The following ROBO4 variants were observed in gnomAD, a reference collection of about 807,000 sequenced individuals.
The protein encoded by ROBO4 is roundabout homolog 4.
Under a neutral mutation model 103.3 loss-of-function variants are expected in ROBO4, and 80 were observed. That is an observed-to-expected ratio of 0.77 (90% confidence interval 0.65 to 0.93). ROBO4 has a LOEUF of 0.93. Among genes scored for constraint, ROBO4 ranks in the 40% least tolerant of loss-of-function variants. The probability of loss-of-function intolerance (pLI) is 0.00; values close to 1 mark genes in which losing one functional copy is unlikely to be tolerated. For missense variants in ROBO4, 1,333 were observed against 1,305.3 expected, an observed-to-expected ratio of 1.02 and a Z score of -0.33; for synonymous variants, 504 against 529.7, an observed-to-expected ratio of 0.95 and a Z score of 0.67.
Position 124,886,987 on chromosome 11 carries a change from C to T in ROBO4, c.2425G>A (p.Glu809Lys), listed in dbSNP as rs2135365955. The T allele has an allele frequency of 6.2e-7, 1 of 1,610,674 alleles. No homozygotes were observed. Residue 809 changes from glutamate to lysine, a missense_variant, in exon 15 of 18, where the codon GAG becomes AAG. By Grantham distance (56) the Glu-to-Lys change is moderately conservative. Transcript: ENST00000306534. The stretch of plus-strand genomic sequence containing the variant: ...TCTCAAGCTACTCACCTGGGAGTCT[C>T]CTCACCCTCACTGAGTTCCAAGCAC... ...ALCLELSEGE[E>K]TPRNSVSPMP...
chr11:124,884,823 G>A lies in ROBO4; in HGVS notation c.*68C>T, dbSNP rs373422711. On this transcript the variant is annotated 3_prime_UTR_variant, in exon 18 of 18. Coordinates refer to ENST00000306534, the MANE Select transcript of ROBO4 (RefSeq NM_019055.6). ...CACAGGCCAAGACCCACACACCACA[G>A]CCCAGGTCTTGTGGGTGGACAGGAG... is the stretch of plus-strand genomic sequence containing the variant. 63 of 1,570,080 alleles carry A rather than the reference G, an allele frequency of 4.0e-5. No individual in the cohort carries two copies. In the African/African-American group the frequency reaches 8.0e-4, roughly 20 times the overall value.
Position 124,893,561 on chromosome 11 carries a change from A to G in ROBO4, c.1547+127T>C, listed in dbSNP as rs1946831238. 6.1e-6 allele frequency: 5 copies of G among 816,172 alleles called. No individual in the cohort carries two copies. In the South Asian group the frequency reaches 6.9e-5, roughly 11 times the overall value. The allele number at this position is 816,172 out of a possible 1,614,324, so 50.6% of individuals were successfully genotyped here. A position where few individuals can be genotyped will look rare whatever the true frequency, so the allele number is the denominator to read the frequency against. ...GAAATGAACTATCAGTTGGAGTTAC[A>G]GGAGAGATTCATGTACGACAGTCCC... On this transcript the variant is annotated intron_variant, in intron 10 of 17. Transcript: ENST00000306534.
At position 124,895,462 on chromosome 11, in the gene ROBO4, T is replaced by G; in HGVS notation, c.1031A>C (p.Glu344Ala). Residue 344 changes from glutamate to alanine, a missense_variant, in exon 6 of 18, where the codon GAA (glutamate) becomes GCA (alanine). By Grantham distance (107) the Glu-to-Ala change is moderately radical (BLOSUM62 -1). Transcript: ENST00000306534. ...DSNVLLLRLP[E>A]KVPSAPPQEV... ...TGAAGGGATCAGGCCCTGACCTTTT[T>G]CCGGCAGCCTCAGGAGCAGCACGTT... The G allele has an allele frequency of 6.2e-7, 1 of 1,609,294 alleles. No homozygotes were observed. Among genetic ancestry groups the G allele is most frequent in the South Asian group, 1.1e-5 (1 of 91,058 alleles).
chr11:124,885,397 A>G, intron 16 of ROBO4, 150 bp from the exon 17 acceptor site: 1 of 625,506 alleles, frequency 1.6e-6, no homozygotes, highest in South Asian at 2.0e-5. Flanking sequence ...CAGAGGCCAC[A>G]TCCCCAGGGG....
Position 124,895,624 on chromosome 11 carries a change from G to T in ROBO4, c.869C>A (p.Pro290Gln). Reference protein sequence around the residue: ...YTALFRTQTAPGGQGAPWAEE... With the variant: ...YTALFRTQTAQGGQGAPWAEE... ...TGCCCACGGAGCTCCCTGGCCTCCC[G>T]GGGCAGTCTGGGTCCTGAACAAGGC... is the stretch of plus-strand genomic sequence containing the variant. Residue 290 changes from proline to glutamine, a missense_variant, in exon 6 of 18, where the codon CCG becomes CAG. Pro to Gln is a moderately conservative substitution (Grantham distance 76). Transcript: ENST00000306534. The T allele has an allele frequency of 6.2e-7, 1 of 1,613,754 alleles. No homozygotes were observed. The highest frequency in any genetic ancestry group is 8.5e-7 in the Non-Finnish European group (1 of 1,180,014).
At chr11:124,892,143 C>A (rs903284689) in intron 10 of ROBO4, 8 of 496,226 alleles carry the variant, frequency 1.6e-5, no homozygotes, top group African/African-American at 1.5e-4. Flanking sequence ...GTAAGTACAT[C>A]TGTTGCACTT....
At chr11:124,893,412 C>T (rs1946828747) in intron 10 of ROBO4, among the ~76,000 whole-genome samples, 1 of 152,188 alleles carries the variant, frequency 6.6e-6, no homozygotes. Context: ...GATTATTCTC[C>T]ACCTAGCGGG....
rs1299720915 is a variant in ROBO4 at position 124,885,146 on chromosome 11, C to A, written c.2896G>T (p.Val966Phe). ...CTTCCCAGCCGCTGGGTGTGGCTGA[C>A]CTCCATGTCTTCCAACCAGTCTGGC... ...WRPDWLEDME[V>F]SHTQRLGRGM... Residue 966 changes from valine (V) to phenylalanine (F), a missense_variant, in exon 17 of 18, where the codon GTC (valine) becomes TTC (phenylalanine). Val to Phe is a conservative substitution (Grantham distance 50). Coordinates refer to ENST00000306534, the MANE Select transcript of ROBO4 (RefSeq NM_019055.6). The A allele has an allele frequency of 6.2e-7, 1 of 1,614,078 alleles. No homozygotes were observed. Among genetic ancestry groups the A allele is most frequent in the Non-Finnish European group, 8.5e-7 (1 of 1,180,026 alleles).
chr11:124,886,899 G>A (rs189540868), intron 15 of ROBO4, 77 bp from the exon 16 acceptor site: 2 of 1,536,656 alleles, frequency 1.3e-6, no homozygotes, highest in African/African-American at 1.4e-5. Context: ...CCCCAGTTGA[G>A]GGAGGGCGGA....
chr11:124,891,200 G>T, intron 12 of ROBO4, 99 bp downstream of exon 12: 1 of 1,360,634 alleles, frequency 7.3e-7, no homozygotes. Context: ...TGTGGAGGTT[G>T]CACGCCCCTC....
Position 124,891,821 on chromosome 11 carries a change from G to C in ROBO4, c.1548-19C>G, listed in dbSNP as rs553270719. The C allele has an allele frequency of 1.4e-5, 23 of 1,613,728 alleles. No homozygotes were observed. In the South Asian group the frequency reaches 2.2e-4, roughly 15 times the overall value. On this transcript the variant is annotated intron_variant, in intron 10 of 17. Transcript: ENST00000306534. Reference sequence around the variant, plus strand: ...ATCCATCCTGGGGCAGTGGAGGGAGGGGGTGAGGCCAGGAGAAACAGGGAG... The same window carrying C: ...ATCCATCCTGGGGCAGTGGAGGGAGCGGGTGAGGCCAGGAGAAACAGGGAG...
At position 124,885,118 on chromosome 11, in the gene ROBO4, C is replaced by A. The variant is rs773647594; in HGVS notation, c.2924G>T (p.Gly975Val). 1.6e-5 allele frequency: 26 copies of A among 1,614,126 alleles called. No homozygotes were observed. Among genetic ancestry groups the A allele is most frequent in the Non-Finnish European group, 2.0e-5 (24 of 1,180,042 alleles). ...EVSHTQRLGRGMPPWPPDSQI... is the reference protein window; with the variant it reads ...EVSHTQRLGRVMPPWPPDSQI... ...AGAGTCAGGGGGCCAGGGAGGCATC[C>A]CCCTTCCCAGCCGCTGGGTGTGGCT... The change falls in exon 17 of 18, where the codon GGG becomes GTG. Residue 975 changes from glycine (G) to valine (V), a missense_variant. Transcript: ENST00000306534.
chr11:124,888,622 C>T (rs79838110), intron 12 of ROBO4, among the ~76,000 whole-genome samples: 11,837 of 152,254 alleles, frequency 0.078, 569 homozygotes, highest in South Asian at 0.13. Flanking sequence ...GATATAAACA[C>T]ACAGTGAGAA....
chr11:124,897,165 G>A lies in ROBO4; in HGVS notation c.167C>T (p.Ser56Leu). ...GCGGATGGTGGGAGGTGGCTGGCCT[G>A]AGGCTTGGCAGCTCATCCTGGCAGG... ...PGPARMSCQA[S>L]GQPPPTIRWL... The change falls in exon 2 of 18, where the codon TCA becomes TTA. Residue 56 changes from serine (S) to leucine (L), a missense_variant. Transcript: ENST00000306534. The A allele has an allele frequency of 6.5e-7, 1 of 1,547,436 alleles. No homozygotes were observed. The highest frequency in any genetic ancestry group is 8.7e-7 in the Non-Finnish European group (1 of 1,145,718).
intron 6 of ROBO4, 31 bp from the exon 7 acceptor site, chr11:124,895,224 C>T (rs776650242): frequency 1.3e-6 from 2 of 1,542,608 alleles, no homozygotes; most frequent in Non-Finnish European, 1.8e-6. Flanking sequence ...CTATGAGGGG[C>T]TCTGAGGGAG....
In ROBO4 at chr11:124,884,858, T is replaced by C. The variant is rs760764733; in HGVS notation, c.*33A>G. 2 of 1,613,902 alleles carry C rather than the reference T, an allele frequency of 1.2e-6. No homozygotes were observed. Among genetic ancestry groups the C allele is most frequent in the Admixed American group, 3.3e-5 (2 of 60,032 alleles). ...TGTGGGTGGACAGGAGAAGTGGTTC[T>C]GATTCCCGTCTGGGAAGTCTCAGGG... On this transcript the variant is annotated 3_prime_UTR_variant, in exon 18 of 18. Transcript: ENST00000306534.
At chr11:124,887,679 C>T in intron 13 of ROBO4, 54 bp downstream of exon 13, 2 of 1,568,050 alleles carry the variant, frequency 1.3e-6, no homozygotes, top group East Asian at 2.2e-5. Flanking sequence ...TAAGCCCCTG[C>T]ATCCCTACAC....
chr11:124,897,564 A>T (rs1264381038), intron 1 of ROBO4, 162 bp downstream of exon 1: 6 of 626,982 alleles, frequency 9.6e-6, no homozygotes, highest in African/African-American at 1.8e-5. Flanking sequence ...GTGTGCGCAC[A>T]TGCACAAACA....
intron 14 of ROBO4, 59 bp from the exon 15 acceptor site, chr11:124,887,272 C>T: frequency 6.3e-7 from 1 of 1,598,388 alleles, no homozygotes; most frequent in South Asian, 1.1e-5. Flanking sequence ...AGTCCTTTCC[C>T]CCCTTCCCCA....
Sources: gnomAD v4.1 joint callset for allele counts (sites outside exome capture counted in the v4.1 genomes callset) on GRCh38, gnomAD v4.1.1 for gene constraint, MANE v1.5 for transcripts, NCBI Gene and HGNC (gene_info 2026-07-23, HGNC 2026-07-21) for gene names.